MARCHF11: variants seen among roughly 807,000 people sequenced by gnomAD.
MARCHF11 encodes membrane associated ring-CH-type finger 11.
A neutral mutation model predicts 37.3 loss-of-function variants in MARCHF11; 29 were observed. The observed-to-expected ratio is 0.78, with a 90% CI of 0.58 to 1.06. The LOEUF (loss-of-function observed/expected upper bound fraction) is 1.06. MARCHF11 is among the 50% of genes least tolerant of loss of function. The probability of loss-of-function intolerance (pLI) is 0.00; values close to 1 mark genes in which losing one functional copy is unlikely to be tolerated. For missense variants in MARCHF11, 482 were observed against 533.4 expected, an observed-to-expected ratio of 0.90 and a Z score of 0.95; for synonymous variants, 233 against 228.0, an observed-to-expected ratio of 1.02 and a Z score of -0.20.
At chr5:16,088,521 C>T (rs536601982) in intron 3 of MARCHF11, among the ~76,000 whole-genome samples, 1 of 152,270 alleles carries the variant, frequency 6.6e-6, no homozygotes, top group Non-Finnish European at 1.5e-5. Flanking sequence ...ATCTTTGTTA[C>T]TGTCTGCATT....
intron 2 of MARCHF11, among the ~76,000 whole-genome samples, chr5:16,116,350 C>T (rs190966738): frequency 1.5e-3 from 221 of 152,290 alleles, no homozygotes; most frequent in African/African-American, 5.2e-3. Context: ...GCATCCACTA[C>T]ACTACCTCCA....
At chr5:16,154,612 G>T (rs1249400261) in intron 2 of MARCHF11, among the ~76,000 whole-genome samples, 1 of 151,814 alleles carries the variant, frequency 6.6e-6, no homozygotes, top group Non-Finnish European at 1.5e-5. Flanking sequence ...GGAGGGGGGG[G>T]AGGAAACTTT....
chr5:16,072,395 A>G (rs1736454335), intron 3 of MARCHF11, among the ~76,000 whole-genome samples: 3 of 152,152 alleles, frequency 2.0e-5, no homozygotes. Context: ...TTTGGAAGTG[A>G]GGCCTTTGGG....
chr5:16,115,054 T>C (rs993131817), intron 2 of MARCHF11, among the ~76,000 whole-genome samples: 11 of 151,962 alleles, frequency 7.2e-5, no homozygotes, highest in African/African-American at 2.7e-4. Context: ...AAAAAAAAAA[T>C]GTCTTGCCTT....
At chr5:16,159,900 G>C (rs1224531933) in intron 2 of MARCHF11, among the ~76,000 whole-genome samples, 2 of 151,652 alleles carry the variant, frequency 1.3e-5, no homozygotes, top group East Asian at 1.9e-4. Context: ...AATAATCCTT[G>C]GTAATTAAAA....
chr5:16,113,337 A>G (rs189530230), intron 2 of MARCHF11, among the ~76,000 whole-genome samples: 3 of 152,192 alleles, frequency 2.0e-5, no homozygotes, highest in Admixed American at 6.5e-5. Context: ...CACTATTTCA[A>G]TAGTGTTCAA....
chr5:16,090,857 C>T (rs780920688), intron 3 of MARCHF11, 32 bp downstream of exon 3: 1 of 1,414,860 alleles, frequency 7.1e-7, no homozygotes, highest in South Asian at 1.7e-5. Flanking sequence ...GGATTACTGA[C>T]AGTGTGTTAA....
At chr5:16,123,231 T>C (rs1367864420) in intron 2 of MARCHF11, among the ~76,000 whole-genome samples, 1 of 152,164 alleles carries the variant, frequency 6.6e-6, no homozygotes, top group East Asian at 1.9e-4. Flanking sequence ...AGATAGGGTG[T>C]TTGCAAAATT....
intron 2 of MARCHF11, among the ~76,000 whole-genome samples, chr5:16,102,200 AAC>A (rs1361259098): frequency 6.6e-6 from 1 of 152,204 alleles, no homozygotes; most frequent in Non-Finnish European, 1.5e-5. Context: ...TAACAGAAAA[AAC>A]ACAACCCATT....
intron 3 of MARCHF11, among the ~76,000 whole-genome samples, chr5:16,088,980 T>C (rs1020099667): frequency 6.6e-6 from 1 of 152,182 alleles, no homozygotes; most frequent in Non-Finnish European, 1.5e-5. Flanking sequence ...ACTAAAAGAT[T>C]ATTTGTTCAT....
intron 2 of MARCHF11, among the ~76,000 whole-genome samples, chr5:16,153,676 T>A (rs1472421438): frequency 6.6e-6 from 1 of 152,008 alleles, no homozygotes; most frequent in African/African-American, 2.4e-5. Flanking sequence ...ATGCTAATTG[T>A]GGCTTAACAT....
At chr5:16,163,420 G>T (rs1415010537) in intron 2 of MARCHF11, among the ~76,000 whole-genome samples, 1 of 151,924 alleles carries the variant, frequency 6.6e-6, no homozygotes, top group Admixed American at 6.6e-5. Flanking sequence ...CATGATTAGG[G>T]AATCTTAGAC....
At chr5:16,089,468 A>G (rs1363808092) in intron 3 of MARCHF11, among the ~76,000 whole-genome samples, 1 of 152,142 alleles carries the variant, frequency 6.6e-6, no homozygotes, top group Non-Finnish European at 1.5e-5. Context: ...TAGCTCAATT[A>G]TTCCGGCAAC....
chr5:16,067,355 C>A lies in MARCHF11; in HGVS notation c.*116G>T. On this transcript the variant is annotated 3_prime_UTR_variant, in exon 4 of 4. Coordinates refer to ENST00000332432, the MANE Select transcript of MARCHF11 (RefSeq NM_001102562.3). ...GCAATTCAAATGTTCATATAAAAAG[C>A]ATAAATTTTAAAAAGTTCATAGATG... The A allele has an allele frequency of 2.2e-6, 2 of 915,450 alleles. No individual in the cohort carries two copies. The highest frequency in any genetic ancestry group is 1.7e-5 in the African/African-American group (1 of 60,328). The allele number at this position is 915,450 out of a possible 1,614,324, so 56.7% of individuals were successfully genotyped here. A position where few individuals can be genotyped will look rare whatever the true frequency, so the allele number is the denominator to read the frequency against.
At position 16,117,310 on chromosome 5, in the gene MARCHF11, C is replaced by T. The variant is rs370765011; in HGVS notation, c.694-26229G>A. Reference sequence around the variant, plus strand: ...GCTATAATAGGGTTCATTTGGGATGCTGTGAATTATTCATTCTTATCTATC... The same window carrying T: ...GCTATAATAGGGTTCATTTGGGATGTTGTGAATTATTCATTCTTATCTATC... On this transcript the variant is annotated intron_variant, in intron 2 of 3. Coordinates refer to ENST00000332432, the MANE Select transcript of MARCHF11 (RefSeq NM_001102562.3). Among the ~76,000 whole-genome samples the T allele has an allele frequency of 1.8e-4, 28 of 152,298 alleles. No individual in the cohort carries two copies. The East Asian group carries it at 3.5e-3, about 19-fold the overall frequency.
intron 2 of MARCHF11, among the ~76,000 whole-genome samples, chr5:16,111,629 A>G (rs919615979): frequency 6.6e-6 from 1 of 152,244 alleles, no homozygotes; most frequent in East Asian, 1.9e-4. Context: ...TGACTACTCA[A>G]TAGAAAAGAA....
chr5:16,114,478 A>G (rs963314899), intron 2 of MARCHF11, among the ~76,000 whole-genome samples: 6 of 152,146 alleles, frequency 3.9e-5, no homozygotes, highest in Admixed American at 6.5e-5. Flanking sequence ...TAAATTGCCA[A>G]CATGTCCTAA....
chr5:16,158,123 G>A (rs1738007570), intron 2 of MARCHF11, among the ~76,000 whole-genome samples: 1 of 151,884 alleles, frequency 6.6e-6, no homozygotes, highest in Non-Finnish European at 1.5e-5. Flanking sequence ...AAACCAGAAC[G>A]ACACATCGCC....
chr5:16,093,090 A>G (rs975472924), intron 2 of MARCHF11, among the ~76,000 whole-genome samples: 2 of 152,192 alleles, frequency 1.3e-5, no homozygotes, highest in East Asian at 3.9e-4. Flanking sequence ...GCAATTTATT[A>G]GTCACATCAG....
Sources: gnomAD v4.1 joint callset for allele counts (sites outside exome capture counted in the v4.1 genomes callset) on GRCh38, gnomAD v4.1.1 for gene constraint, MANE v1.5 for transcripts, NCBI Gene and HGNC (gene_info 2026-07-23, HGNC 2026-07-21) for gene names.